VPS37A: variants seen among roughly 807,000 people sequenced by gnomAD.
VPS37A encodes the protein VPS37A subunit of ESCRT-I, also known as vacuolar protein sorting-associated protein 37A.
A neutral mutation model predicts 49.8 loss-of-function variants in VPS37A; 30 were observed. The observed-to-expected ratio is 0.60, with a 90% confidence interval of 0.45 to 0.82. The LOEUF (loss-of-function observed/expected upper bound fraction) is 0.82, where lower values mean the gene tolerates loss of function less well. Ranked by LOEUF, VPS37A falls within the 40% of genes least tolerant of loss-of-function variation. VPS37A has a pLI of 0.00. For synonymous variants in VPS37A, 195 were observed against 160.6 expected (o/e 1.21, Z -1.62); for missense variants, 593 against 464.4 (o/e 1.28, Z -2.55).
In VPS37A at chr8:17,284,521, G is replaced by A; in HGVS notation, c.1018G>A (p.Glu340Lys). 1.3e-6 allele frequency: 2 copies of A among 1,598,966 alleles called. No homozygotes were observed. Among genetic ancestry groups the A allele is most frequent in the Non-Finnish European group, 1.7e-6 (2 of 1,175,350 alleles). ...LQARLKVAAH[E>K]AEEESDNIAE... ...GGCAAGATTGAAAGTAGCTGCACAT[G>A]AAGCTGAGGAAGAATCTGATAATAT... Residue 340 changes from glutamate to lysine, a missense_variant, in exon 10 of 12, where the codon GAA (glutamate) becomes AAA (lysine). Coordinates refer to ENST00000324849, the MANE Select transcript of VPS37A (RefSeq NM_152415.3).
chr8:17,313,354 C>T, the VPS37A span: 27 of 1,612,980 alleles, frequency 1.7e-5, no homozygotes, highest in South Asian at 2.2e-5. Context: ...CCAGAGTTCT[C>T]CAGACCCCAC....
downstream of VPS37A, chr8:17,301,836 G>C: frequency 2.6e-6 from 1 of 387,472 alleles, no homozygotes; most frequent in African/African-American, 2.1e-5. Flanking sequence ...ATTTTATTCT[G>C]TTACTTTTTC....
At chr8:17,293,421 AG>A (rs1299678346) in intron 11 of VPS37A, among the ~76,000 whole-genome samples, 5 of 152,106 alleles carry the variant, frequency 3.3e-5, no homozygotes, top group African/African-American at 1.2e-4. Context: ...TTTAGCTCTA[AG>A]GAGTTTATTA....
At chr8:17,253,661 A>G (rs775073752) in intron 1 of VPS37A, among the ~76,000 whole-genome samples, 4 of 152,162 alleles carry the variant, frequency 2.6e-5, no homozygotes, top group Non-Finnish European at 4.4e-5. Context: ...TGTAACTCAG[A>G]TATTATTTTT....
chr8:17,269,018 A>T, intron 4 of VPS37A, 62 bp downstream of exon 4: 9 of 1,194,182 alleles, frequency 7.5e-6, no homozygotes, highest in Non-Finnish European at 1.0e-5. Flanking sequence ...ATCAAAATAT[A>T]GTTTAAAAAT....
At chr8:17,313,424 A>C in the VPS37A span, 1 of 1,495,730 alleles carries the variant, frequency 6.7e-7, no homozygotes, top group Non-Finnish European at 9.3e-7. Flanking sequence ...TCATGTTATA[A>C]AAGCAAAATT....
At chr8:17,290,521 A>G (rs1816041731) in intron 11 of VPS37A, among the ~76,000 whole-genome samples, 1 of 152,206 alleles carries the variant, frequency 6.6e-6, no homozygotes, top group South Asian at 2.1e-4. Context: ...CATCCCAGGG[A>G]TGAAGCCAAC....
intron 11 of VPS37A, among the ~76,000 whole-genome samples, chr8:17,290,835 A>G (rs1272267283): frequency 6.6e-6 from 1 of 152,128 alleles, no homozygotes; most frequent in Non-Finnish European, 1.5e-5. Context: ...GTGAGCTATT[A>G]CTGCCTCGGT....
chr8:17,282,334 A>C (rs1189004965), intron 9 of VPS37A, among the ~76,000 whole-genome samples: 2 of 152,174 alleles, frequency 1.3e-5, no homozygotes, highest in Non-Finnish European at 2.9e-5. Flanking sequence ...TCATTGTATC[A>C]TACAATACAC....
At chr8:17,286,463 T>C in intron 11 of VPS37A, 36 bp downstream of exon 11, 2 of 1,574,074 alleles carry the variant, frequency 1.3e-6, no homozygotes, top group Non-Finnish European at 1.7e-6. Flanking sequence ...TCAAGGTGAT[T>C]GCATCAGTGT....
At chr8:17,260,602 G>A (rs1812879704) in intron 1 of VPS37A, among the ~76,000 whole-genome samples, 1 of 152,018 alleles carries the variant, frequency 6.6e-6, no homozygotes, top group Admixed American at 6.5e-5. Flanking sequence ...TTTTCTTTCA[G>A]ACTGATGAAC....
At chr8:17,267,521 A>G (rs1331762204) in intron 2 of VPS37A, among the ~76,000 whole-genome samples, 1 of 151,954 alleles carries the variant, frequency 6.6e-6, no homozygotes, top group Non-Finnish European at 1.5e-5. Flanking sequence ...AAACCATGTG[A>G]TTGACCTCTA....
intron 11 of VPS37A, among the ~76,000 whole-genome samples, chr8:17,290,469 G>A (rs1169256741): frequency 5.9e-5 from 9 of 152,074 alleles, no homozygotes; most frequent in South Asian, 2.1e-4. Flanking sequence ...TGTTTATGTC[G>A]TGGATTACGT....
At chr8:17,311,009 C>T in the VPS37A span, among the ~76,000 whole-genome samples, 1 of 152,152 alleles carries the variant, frequency 6.6e-6, no homozygotes, top group African/African-American at 2.4e-5. Flanking sequence ...CAAAGAACAA[C>T]AACAAAAGGC....
At position 17,297,892 on chromosome 8, in the gene VPS37A, T is replaced by A. The variant is rs1436122108; in HGVS notation, c.*2906T>A. 1 of 152,088 alleles carries A rather than the reference T, an allele frequency of 6.6e-6. No individual in the cohort carries two copies. Among genetic ancestry groups the A allele is most frequent in the Admixed American group, 6.6e-5 (1 of 15,264 alleles). 9.4% of individuals were successfully genotyped at this position (152,088 alleles called of 1,614,324 possible). A position where few individuals can be genotyped will look rare whatever the true frequency, so the allele number is the denominator to read the frequency against. ...TGTTACATAAATTATAATGTCTGTCTTGTAAAAAAGTTGAGGGGACTAAAA... is the reference window on the plus strand; with the variant it reads ...TGTTACATAAATTATAATGTCTGTCATGTAAAAAAGTTGAGGGGACTAAAA... On this transcript the variant is annotated 3_prime_UTR_variant, in exon 12 of 12. Transcript: ENST00000324849.
chr8:17,274,725 CT>C lies in VPS37A; in HGVS notation c.417-4del. The C allele has an allele frequency of 6.3e-7, 1 of 1,595,840 alleles. No homozygotes were observed. The highest frequency in any genetic ancestry group is 1.1e-5 in the South Asian group (1 of 89,246). Reference sequence around the variant, plus strand: ...TCTAATGTAATGATCTTCTCTTTTTCTTTTCAGTCTATACAGTAACCCAAGT... The same window carrying C: ...TCTAATGTAATGATCTTCTCTTTTTCTTTCAGTCTATACAGTAACCCAAGT... On this transcript the variant is annotated splice_polypyrimidine_tract_variant and splice_region_variant and intron_variant, in intron 4 of 11. Transcript: ENST00000324849.
At chr8:17,320,988 C>A in the VPS37A span, among the ~76,000 whole-genome samples, 1 of 139,638 alleles carries the variant, frequency 7.2e-6, no homozygotes, top group Admixed American at 7.3e-5. Context: ...AGATAACATT[C>A]TCTTGCAGTC....
At chr8:17,284,132 C>T (rs899179045) in intron 9 of VPS37A, among the ~76,000 whole-genome samples, 1 of 152,128 alleles carries the variant, frequency 6.6e-6, no homozygotes, top group Non-Finnish European at 1.5e-5. Flanking sequence ...TATGCAAGGG[C>T]AGGAATACCA....
intron 1 of VPS37A, 34 bp downstream of exon 1, chr8:17,247,403 A>ATGG: frequency 7.1e-6 from 1 of 139,964 alleles, no homozygotes; most frequent in Non-Finnish European, 1.4e-5. Flanking sequence ...CGGAGGAAAA[A>ATGG]GTAGGGTGGG....
Sources: allele counts gnomAD v4.1 joint callset (sites outside exome capture counted in the v4.1 genomes callset), GRCh38; gene constraint gnomAD v4.1.1; transcripts MANE v1.5; gene names NCBI Gene and HGNC (gene_info 2026-07-23, HGNC 2026-07-21).